The following TRHDE variants were observed in gnomAD, a reference collection of about 807,000 sequenced individuals.
The protein encoded by TRHDE is thyrotropin-releasing hormone-degrading ectoenzyme.
TRHDE carries 72 observed loss-of-function variants against 125.7 expected under a neutral mutation model. The observed-to-expected ratio is 0.57, with a 90% CI of 0.47 to 0.70. TRHDE has a LOEUF of 0.70. Ranked by LOEUF, TRHDE falls within the 30% of genes least tolerant of loss-of-function variation. The pLI is 0.00. For missense variants in TRHDE, 1,110 were observed against 1,327.1 expected, an observed-to-expected ratio of 0.84 and a Z score of 2.54; for synonymous variants, 509 against 509.1, an observed-to-expected ratio of 1.00 and a Z score of 0.00.
intron 12 of TRHDE, among the ~76,000 whole-genome samples, chr12:72,606,945 C>T (rs567074822): frequency 6.6e-6 from 1 of 152,040 alleles, no homozygotes; most frequent in East Asian, 1.9e-4. Flanking sequence ...AATTAACATC[C>T]CTTTAATAAT....
intron 2 of TRHDE, among the ~76,000 whole-genome samples, chr12:72,178,899 T>C (rs1273164266): frequency 1.3e-5 from 2 of 152,070 alleles, no homozygotes; most frequent in African/African-American, 4.8e-5. Flanking sequence ...AAAAGAAATA[T>C]CTCTGAGATT....
intron 3 of TRHDE, among the ~76,000 whole-genome samples, chr12:72,391,935 G>T (rs1156279788): frequency 1.3e-5 from 2 of 152,164 alleles, no homozygotes; most frequent in Non-Finnish European, 2.9e-5. Context: ...GAGGGTAACT[G>T]AGTGGTAATT....
At chr12:72,203,679 CTT>C in intron 2 of TRHDE, among the ~76,000 whole-genome samples, 1 of 152,140 alleles carries the variant, frequency 6.6e-6, no homozygotes, top group Admixed American at 6.5e-5. Flanking sequence ...AATAAACTTT[CTT>C]AGTTGTTTAC....
intron 2 of TRHDE, among the ~76,000 whole-genome samples, chr12:72,356,868 C>T (rs1383045831): frequency 6.6e-6 from 1 of 151,442 alleles, no homozygotes; most frequent in African/African-American, 2.4e-5. Context: ...GAAAACTTAC[C>T]TGTGAGCCAG....
chr12:72,418,294 AG>A (rs1300161570), intron 3 of TRHDE, among the ~76,000 whole-genome samples: 1 of 152,102 alleles, frequency 6.6e-6, no homozygotes, highest in East Asian at 1.9e-4. Flanking sequence ...ATTAATGTTA[AG>A]TTTAAGGATG....
chr12:72,260,618 G>C (rs1302260373), intron 2 of TRHDE, among the ~76,000 whole-genome samples: 3 of 152,114 alleles, frequency 2.0e-5, no homozygotes, highest in Non-Finnish European at 2.9e-5. Context: ...GGAAGGAATA[G>C]AGTCAAAGGA....
At chr12:72,195,913 G>A (rs1272771559) in intron 2 of TRHDE, among the ~76,000 whole-genome samples, 1 of 152,104 alleles carries the variant, frequency 6.6e-6, no homozygotes, top group Non-Finnish European at 1.5e-5. Flanking sequence ...TAAGGTGAAA[G>A]GTATGGGTCC....
intron 2 of TRHDE, among the ~76,000 whole-genome samples, chr12:72,368,108 C>A (rs1416413622): frequency 1.3e-5 from 2 of 152,072 alleles, no homozygotes; most frequent in Non-Finnish European, 2.9e-5. Context: ...AACAACAAAT[C>A]ATTAATACAG....
chr12:72,479,530 G>A (rs1203720639), intron 5 of TRHDE, among the ~76,000 whole-genome samples: 1 of 151,896 alleles, frequency 6.6e-6, no homozygotes, highest in Non-Finnish European at 1.5e-5. Flanking sequence ...ACTCAGGTAA[G>A]CATCTGGAAG....
chr12:72,414,319 A>G (rs539582258), intron 3 of TRHDE, among the ~76,000 whole-genome samples: 2 of 152,226 alleles, frequency 1.3e-5, no homozygotes, highest in African/African-American at 4.8e-5. Flanking sequence ...CCTTTGGATA[A>G]ATTTGAAAGA....
intron 3 of TRHDE, among the ~76,000 whole-genome samples, chr12:72,462,912 C>T (rs1005322759): frequency 2.0e-5 from 3 of 152,142 alleles, no homozygotes; most frequent in Non-Finnish European, 4.4e-5. Context: ...TCCTTCTCTG[C>T]TGGAACAGAG....
rs1051100770 is a variant in TRHDE at position 72,320,683 on chromosome 12, T to C, written c.1188+33729T>C. ...CAGAGTTTTACCTTGATAAAAAGGA[T>C]ATATTTTTAAAAAATGCAATATGTG... On this transcript the variant is annotated intron_variant, in intron 2 of 18. Coordinates refer to ENST00000261180, the MANE Select transcript of TRHDE (RefSeq NM_013381.3). 4.6e-5 allele frequency among the ~76,000 whole-genome samples: 7 copies of C among 152,122 alleles called. 1 individual carries two copies. The highest frequency in any genetic ancestry group is 4.6e-4 in the Admixed American group (7 of 15,244).
chr12:72,429,658 G>GTTT (rs2135839166), intron 3 of TRHDE, among the ~76,000 whole-genome samples: 1 of 152,016 alleles, frequency 6.6e-6, no homozygotes, highest in African/African-American at 2.4e-5. Context: ...AGTATTGAGG[G>GTTT]TTCCAATTTT....
At chr12:72,444,589 T>A (rs1332854904) in intron 3 of TRHDE, among the ~76,000 whole-genome samples, 3 of 151,850 alleles carry the variant, frequency 2.0e-5, no homozygotes, top group Non-Finnish European at 4.4e-5. Context: ...TATAAGGACA[T>A]AGTTGAGTAA....
chr12:72,376,873 A>AT (rs34217017), intron 2 of TRHDE, among the ~76,000 whole-genome samples: 15,801 of 146,496 alleles, frequency 0.11, 1,054 homozygotes, highest in African/African-American at 0.18. Context: ...TGAGTAAACC[A>AT]TTTTTTTTTT....
chr12:72,475,638 A>G (rs1876856357), intron 5 of TRHDE, among the ~76,000 whole-genome samples: 2 of 152,196 alleles, frequency 1.3e-5, no homozygotes, highest in Non-Finnish European at 2.9e-5. Flanking sequence ...TTGAAAATGA[A>G]CACAGAGTGT....
intron 2 of TRHDE, among the ~76,000 whole-genome samples, chr12:72,342,650 A>G (rs1870134753): frequency 6.6e-6 from 1 of 152,144 alleles, no homozygotes; most frequent in South Asian, 2.1e-4. Flanking sequence ...AGATTTAACT[A>G]GTATCTTTGA....
chr12:72,655,353 C>T (rs936851313), intron 17 of TRHDE, among the ~76,000 whole-genome samples: 1 of 152,166 alleles, frequency 6.6e-6, no homozygotes, highest in African/African-American at 2.4e-5. Context: ...GGATCACAGG[C>T]GTGAGCCACC....
At chr12:72,308,036 C>T (rs1404462102) in intron 2 of TRHDE, among the ~76,000 whole-genome samples, 1 of 152,078 alleles carries the variant, frequency 6.6e-6, no homozygotes, top group Non-Finnish European at 1.5e-5. Context: ...CAATAAATGC[C>T]TGAAAGCTTC....
Sources: gnomAD v4.1 joint callset for allele counts (sites outside exome capture counted in the v4.1 genomes callset) on GRCh38, gnomAD v4.1.1 for gene constraint, MANE v1.5 for transcripts, NCBI Gene and HGNC (gene_info 2026-07-23, HGNC 2026-07-21) for gene names.